FAT3: variants seen among roughly 807,000 people sequenced by gnomAD.
FAT3 encodes FAT atypical cadherin 3.
In FAT3, 95 loss-of-function variants were observed where a neutral mutation model predicts 310.2. The ratio of observed to expected loss-of-function variants is 0.31; its 90% confidence interval spans 0.26 to 0.36. The LOEUF (loss-of-function observed/expected upper bound fraction) is 0.36. FAT3 is among the 10% of genes least tolerant of loss of function. The pLI, the probability that FAT3 is intolerant of heterozygous loss-of-function variation, is 1.00. For synonymous variants in FAT3, 2,314 were observed against 2,192.9 expected, an observed-to-expected ratio of 1.06 and a Z score of -1.54; for missense variants, 5,408 against 5,715.6, an observed-to-expected ratio of 0.95 and a Z score of 1.74.
At chr11:92,803,233 A>G (rs1947413030) in intron 10 of FAT3, among the ~76,000 whole-genome samples, 1 of 152,154 alleles carries the variant, frequency 6.6e-6, no homozygotes, top group African/African-American at 2.4e-5. Context: ...TTGTCAATGG[A>G]TGATTTAAAG....
At chr11:92,664,245 A>G (rs565936) in intron 3 of FAT3, among the ~76,000 whole-genome samples, 81,960 of 152,096 alleles carry the variant, frequency 0.54, 22,914 homozygotes, top group African/African-American at 0.69. Flanking sequence ...TTGAAAGTAC[A>G]TAAAGTGACT....
Position 92,352,735 on chromosome 11 carries a change from C to T in FAT3, c.623C>T (p.Pro208Leu). The T allele has an allele frequency of 6.2e-7, 1 of 1,613,770 alleles. No individual in the cohort carries two copies. The highest frequency in any genetic ancestry group is 8.5e-7 in the Non-Finnish European group (1 of 1,179,874). The stretch of plus-strand genomic sequence containing the variant: ...AAAGTTGATCTCTTTTCAGTTCACC[C>T]CACGAGTGGTGTCATCTCCTTAAGT... ...KNKVDLFSVH[P>L]TSGVISLSGR... Residue 208 changes from proline to leucine, a missense_variant, in exon 2 of 28, where the codon CCC becomes CTC. By Grantham distance (98) the Pro-to-Leu change is moderately conservative. This residue lies in a region of FAT3 where 4,588 missense variants were observed against 4,809.8 expected (regional missense o/e 0.95). Transcript: ENST00000525166.
In FAT3 at chr11:92,516,301, G is replaced by A. The variant is rs182868089; in HGVS notation, c.3293-8333G>A. Among the ~76,000 whole-genome samples the A allele has an allele frequency of 1.3e-4, 20 of 152,112 alleles. 2 individuals are homozygous for A. Among genetic ancestry groups the A allele is most frequent in the Admixed American group, 1.0e-3 (16 of 15,268 alleles). Reference sequence around the variant, plus strand: ...AAAGTGTATCCACCATGATCAAGTCGGCTTCATCCCTGGGATGCAAGGCTG... The same window carrying A: ...AAAGTGTATCCACCATGATCAAGTCAGCTTCATCCCTGGGATGCAAGGCTG... On this transcript the variant is annotated intron_variant, in intron 2 of 27. Coordinates refer to ENST00000525166, the MANE Select transcript of FAT3 (RefSeq NM_001367949.2).
chr11:92,877,267 T>C (rs897496386), intron 22 of FAT3, among the ~76,000 whole-genome samples: 1 of 152,110 alleles, frequency 6.6e-6, no homozygotes, highest in Non-Finnish European at 1.5e-5. Flanking sequence ...CACCAGTCAC[T>C]TCTGAAGGGG....
intron 2 of FAT3, among the ~76,000 whole-genome samples, chr11:92,424,819 A>C (rs1029332359): frequency 6.6e-6 from 1 of 152,188 alleles, no homozygotes; most frequent in Non-Finnish European, 1.5e-5. Context: ...ATAACTTGGA[A>C]AACACTGAAG....
At position 92,844,036 on chromosome 11, in the gene FAT3, T is replaced by A. The variant is rs1241360730; in HGVS notation, c.10669T>A (p.Phe3557Ile). ...GCCCACAGCCATTCCCCTGGAAATTTTCATTGTCACCATGGAGGATGACTT... is the reference window on the plus strand; with the variant it reads ...GCCCACAGCCATTCCCCTGGAAATTATCATTGTCACCATGGAGGATGACTT... The part of the protein sequence containing the change: ...HKPTAIPLEI[F>I]IVTMEDDFPG... Residue 3557 changes from phenylalanine (F) to isoleucine (I), a missense_variant, in exon 19 of 28, where the codon TTC (phenylalanine) becomes ATC (isoleucine). Physicochemically the swap from Phe to Ile is conservative, Grantham distance 21. Coordinates refer to ENST00000525166, the MANE Select transcript of FAT3 (RefSeq NM_001367949.2). 1.9e-6 allele frequency: 3 copies of A among 1,614,012 alleles called. No individual in the cohort carries two copies.
rs141857365 is a variant in FAT3, at chr11:92,756,674, G to T, written c.3670-5182G>T. On this transcript the variant is annotated intron_variant, in intron 4 of 27. Transcript: ENST00000525166. ...AGTTTATATACTTATCTTCTACTTGGGGAAAGGAGACAACAAAAATAAATT... is the reference window on the plus strand; with the variant it reads ...AGTTTATATACTTATCTTCTACTTGTGGAAAGGAGACAACAAAAATAAATT... 8.6e-3 allele frequency among the ~76,000 whole-genome samples: 1,305 copies of T among 152,070 alleles called. 32 individuals are homozygous for T. Among genetic ancestry groups the T allele is most frequent in the African/African-American group, 0.03 (1,243 of 41,470 alleles).
chr11:92,742,767 A>T (rs1003784295), intron 4 of FAT3, among the ~76,000 whole-genome samples: 2 of 152,124 alleles, frequency 1.3e-5, no homozygotes, highest in Admixed American at 6.5e-5. Flanking sequence ...AGCCAAATAA[A>T]CTTCTATTGT....
chr11:92,576,540 C>T lies in FAT3; in HGVS notation c.3607+51592C>T, dbSNP rs147417691. Among the ~76,000 whole-genome samples, 15 of 152,168 alleles carry T rather than the reference C, an allele frequency of 9.9e-5. No individual in the cohort carries two copies. In the East Asian group the frequency reaches 2.7e-3, roughly 27 times the overall value. ...AACACTTTCCTACCATTTGGATAATCGATTCAAATTCTAGCCTCTGTGATA... is the reference window on the plus strand; with the variant it reads ...AACACTTTCCTACCATTTGGATAATTGATTCAAATTCTAGCCTCTGTGATA... On this transcript the variant is annotated intron_variant, in intron 3 of 27. Transcript: ENST00000525166.
intron 3 of FAT3, among the ~76,000 whole-genome samples, chr11:92,603,636 T>C (rs1940135725): frequency 6.6e-6 from 1 of 152,238 alleles, no homozygotes; most frequent in Non-Finnish European, 1.5e-5. Context: ...TAATTCTTTA[T>C]GCTTCCATGT....
chr11:92,537,082 G>A (rs1031780945), intron 3 of FAT3, among the ~76,000 whole-genome samples: 5 of 152,082 alleles, frequency 3.3e-5, no homozygotes, highest in Non-Finnish European at 5.9e-5. Flanking sequence ...CTACTCCCAC[G>A]TAGACATCAT....
chr11:92,471,956 T>TATATA (rs1951919213), intron 2 of FAT3, among the ~76,000 whole-genome samples: 2 of 139,936 alleles, frequency 1.4e-5, no homozygotes, highest in South Asian at 2.3e-4. Flanking sequence ...TATATATATA[T>TATATA]TCTGTAAGTT....
At chr11:92,793,843 A>G (rs1947097270) in intron 9 of FAT3, among the ~76,000 whole-genome samples, 1 of 152,180 alleles carries the variant, frequency 6.6e-6, no homozygotes, top group African/African-American at 2.4e-5. Flanking sequence ...ATTTAAATGT[A>G]GAGCATTTTT....
At chr11:92,764,240 G>T (rs774599682) in intron 5 of FAT3, among the ~76,000 whole-genome samples, 2 of 151,966 alleles carry the variant, frequency 1.3e-5, no homozygotes, top group Non-Finnish European at 2.9e-5. Flanking sequence ...CTGTGCTATC[G>T]AGAGAGTTCT....
At chr11:92,380,540 C>A (rs1248352789) in intron 2 of FAT3, among the ~76,000 whole-genome samples, 1 of 152,142 alleles carries the variant, frequency 6.6e-6, no homozygotes, top group Non-Finnish European at 1.5e-5. Context: ...CACTGTGAGG[C>A]ATAATTATCC....
chr11:92,499,727 G>GTGTGTGTGTA (rs1350659598), intron 2 of FAT3, among the ~76,000 whole-genome samples: 120 of 118,446 alleles, frequency 1.0e-3, no homozygotes, highest in Middle Eastern at 5.4e-3. Context: ...GTGTGTATGT[G>GTGTGTGTGTA]TGTGTGTGTG....
chr11:92,227,232 T>A (rs1863957565), intron 1 of FAT3, among the ~76,000 whole-genome samples: 2 of 152,186 alleles, frequency 1.3e-5, no homozygotes. Context: ...ACATATTAAT[T>A]TTCTGGCCCC....
chr11:92,468,745 G>A (rs530739566), intron 2 of FAT3, among the ~76,000 whole-genome samples: 11 of 152,192 alleles, frequency 7.2e-5, no homozygotes, highest in African/African-American at 2.6e-4. Flanking sequence ...GTGAAGGGGT[G>A]GGGAAACTCC....
chr11:92,623,841 G>A (rs976063278), intron 3 of FAT3, among the ~76,000 whole-genome samples: 3 of 152,086 alleles, frequency 2.0e-5, no homozygotes, highest in Non-Finnish European at 2.9e-5. Flanking sequence ...TACTCGGGAG[G>A]CTGAGGCAGG....
Sources: allele counts gnomAD v4.1 joint callset (sites outside exome capture counted in the v4.1 genomes callset), GRCh38; gene constraint gnomAD v4.1.1; regional missense constraint gnomAD v4.1.1; transcripts MANE v1.5; gene names NCBI Gene and HGNC (gene_info 2026-07-23, HGNC 2026-07-21).